ADK: variants seen among roughly 807,000 people sequenced by gnomAD.
ADK encodes N6,N6-dimethyladenosine kinase.
ADK carries 24 observed loss-of-function variants against 44.7 expected under a neutral mutation model. The observed-to-expected ratio is 0.54, with a 90% CI of 0.39 to 0.76. The LOEUF is 0.76. Ranked by LOEUF, ADK falls within the 30% of genes least tolerant of loss-of-function variation. The pLI is 0.00. For synonymous variants in ADK, 128 were observed against 142.6 expected (o/e 0.90, Z 0.73); for missense variants, 321 against 425.1 (o/e 0.76, Z 2.15).
chr10:74,291,079 A>T (rs1847405820), intron 3 of ADK, among the ~76,000 whole-genome samples: 1 of 152,216 alleles, frequency 6.6e-6, no homozygotes. Flanking sequence ...TACGTACTAA[A>T]GAATATAGGA....
At chr10:74,353,486 G>A (rs1264718822) in intron 4 of ADK, among the ~76,000 whole-genome samples, 1 of 150,306 alleles carries the variant, frequency 6.7e-6, no homozygotes. Flanking sequence ...ATGATGGGTT[G>A]ATAGGTGCAC....
At chr10:74,558,578 G>T (rs1850348898) in intron 7 of ADK, among the ~76,000 whole-genome samples, 1 of 152,174 alleles carries the variant, frequency 6.6e-6, no homozygotes, top group African/African-American at 2.4e-5. Context: ...TTCACCTTCA[G>T]CCATGATTAT....
At chr10:74,395,617 A>G (rs1204602878) in intron 5 of ADK, among the ~76,000 whole-genome samples, 2 of 152,206 alleles carry the variant, frequency 1.3e-5, no homozygotes, top group African/African-American at 4.8e-5. Flanking sequence ...CTTAATCTGT[A>G]GGTGCAAAGT....
chr10:74,286,586 G>A (rs568691408), intron 3 of ADK, among the ~76,000 whole-genome samples: 3 of 152,288 alleles, frequency 2.0e-5, no homozygotes, highest in Admixed American at 6.5e-5. Context: ...CAGTTTTCAC[G>A]TTCTCTAGTA....
rs182143968 is a variant in ADK, at chr10:74,270,056, A to G, written c.195-44611A>G. 5.1e-4 allele frequency among the ~76,000 whole-genome samples: 78 copies of G among 152,310 alleles called. 2 individuals carry two copies. The East Asian group carries it at 0.014, about 27-fold the overall frequency. ...ATGTGACATGTTAATAGGGAGAGATATTAGTCCGATGGTAATTAAAAGCAG... is the reference window on the plus strand; with the variant it reads ...ATGTGACATGTTAATAGGGAGAGATGTTAGTCCGATGGTAATTAAAAGCAG... On this transcript the variant is annotated intron_variant, in intron 3 of 10. Coordinates refer to ENST00000539909, the MANE Select transcript of ADK (RefSeq NM_006721.4).
intron 3 of ADK, among the ~76,000 whole-genome samples, chr10:74,229,807 C>T (rs962231941): frequency 6.6e-5 from 10 of 152,020 alleles, no homozygotes; most frequent in Admixed American, 4.6e-4. Context: ...GAGGCTGAGG[C>T]AGGAGGATTG....
At chr10:74,268,438 T>C (rs887579511) in intron 3 of ADK, among the ~76,000 whole-genome samples, 4 of 152,182 alleles carry the variant, frequency 2.6e-5, no homozygotes, top group African/African-American at 7.2e-5. Context: ...TCATTTGTGC[T>C]ACTTATTAGT....
chr10:74,522,765 A>T (rs1043261590), intron 6 of ADK, among the ~76,000 whole-genome samples: 24 of 151,886 alleles, frequency 1.6e-4, no homozygotes, highest in African/African-American at 5.8e-4. Context: ...TTTCAAGGTT[A>T]TTTCTTCCAT....
chr10:74,356,208 C>T (rs570683074), intron 4 of ADK, among the ~76,000 whole-genome samples: 6 of 149,854 alleles, frequency 4.0e-5, no homozygotes, highest in African/African-American at 1.5e-4. Flanking sequence ...TTAGTAGAGA[C>T]GGGGTTTCAC....
chr10:74,633,046 T>A (rs1853496458), intron 9 of ADK, among the ~76,000 whole-genome samples: 1 of 152,302 alleles, frequency 6.6e-6, no homozygotes, highest in Non-Finnish European at 1.5e-5. Flanking sequence ...ATACATAAGA[T>A]GGAAATTGAT....
intron 6 of ADK, among the ~76,000 whole-genome samples, chr10:74,514,720 A>T (rs2133548665): frequency 6.6e-6 from 1 of 152,092 alleles, no homozygotes; most frequent in South Asian, 2.1e-4. Flanking sequence ...CTTTAAGATT[A>T]TTATTTTGAT....
chr10:74,275,391 T>A (rs978210514), intron 3 of ADK, among the ~76,000 whole-genome samples: 24 of 152,180 alleles, frequency 1.6e-4, no homozygotes, highest in African/African-American at 5.8e-4. Context: ...GTGCCAGTCT[T>A]TGGGGGTGTG....
intron 2 of ADK, among the ~76,000 whole-genome samples, chr10:74,202,136 G>A (rs1843420962): frequency 6.6e-6 from 1 of 152,000 alleles, no homozygotes; most frequent in Non-Finnish European, 1.5e-5. Context: ...AGTATACTTA[G>A]TTTTTCTATG....
chr10:74,182,583 G>A (rs927568855), intron 1 of ADK, among the ~76,000 whole-genome samples: 1 of 152,040 alleles, frequency 6.6e-6, no homozygotes, highest in African/African-American at 2.4e-5. Context: ...TGGTCAGGCT[G>A]GCCTCGAACT....
chr10:74,549,151 T>C (rs1849941374), intron 7 of ADK, among the ~76,000 whole-genome samples: 1 of 152,246 alleles, frequency 6.6e-6, no homozygotes, highest in African/African-American at 2.4e-5. Flanking sequence ...ATTGAATTTT[T>C]AATCATTCAA....
intron 3 of ADK, among the ~76,000 whole-genome samples, chr10:74,302,686 C>T (rs1043536297): frequency 2.6e-5 from 4 of 152,110 alleles, no homozygotes; most frequent in Non-Finnish European, 4.4e-5. Flanking sequence ...GTCCCAGCTA[C>T]TTGTGGCACT....
intron 4 of ADK, among the ~76,000 whole-genome samples, chr10:74,347,714 A>G (rs1453618967): frequency 1.3e-5 from 2 of 152,060 alleles, no homozygotes; most frequent in African/African-American, 4.8e-5. Flanking sequence ...TTGACCTTGG[A>G]CCATTGGGCT....
intron 3 of ADK, among the ~76,000 whole-genome samples, chr10:74,287,696 G>A (rs1354534221): frequency 1.3e-5 from 2 of 152,042 alleles, no homozygotes; most frequent in Admixed American, 6.6e-5. Flanking sequence ...AATATATTCT[G>A]TATAAAACTC....
intron 3 of ADK, among the ~76,000 whole-genome samples, chr10:74,305,167 A>T (rs953381657): frequency 2.0e-5 from 3 of 152,200 alleles, no homozygotes; most frequent in African/African-American, 7.2e-5. Flanking sequence ...CACTCTTTAC[A>T]TGTTCAGTAC....
Sources: gnomAD v4.1 joint callset for allele counts (sites outside exome capture counted in the v4.1 genomes callset) on GRCh38, gnomAD v4.1.1 for gene constraint, MANE v1.5 for transcripts, NCBI Gene and HGNC (gene_info 2026-07-23, HGNC 2026-07-21) for gene names.